The following SOX5 variants were observed in gnomAD, a reference collection of about 807,000 sequenced individuals.
SOX5 encodes the protein transcription factor SOX-5.
In SOX5, 9 loss-of-function variants were observed where a neutral mutation model predicts 92.0. The observed-to-expected ratio is 0.10, with a 90% confidence interval of 0.06 to 0.17. The LOEUF (loss-of-function observed/expected upper bound fraction) is 0.17, where lower values mean the gene tolerates loss of function less well. SOX5 is among the 10% of genes least tolerant of loss of function. The pLI, the probability that SOX5 is intolerant of heterozygous loss-of-function variation, is 1.00. For synonymous variants in SOX5, 344 were observed against 336.3 expected, an observed-to-expected ratio of 1.02 and a Z score of -0.25; for missense variants, 642 against 944.5, an observed-to-expected ratio of 0.68 and a Z score of 4.20.
chr12:24,479,427 T>G (rs1028995120), intron 1 of SOX5, among the ~76,000 whole-genome samples: 27 of 152,186 alleles, frequency 1.8e-4, no homozygotes, highest in African/African-American at 6.5e-4. Flanking sequence ...TACATAAATA[T>G]GTATGACCTC....
At chr12:24,385,760 A>C (rs896714833) in intron 1 of SOX5, among the ~76,000 whole-genome samples, 1 of 151,968 alleles carries the variant, frequency 6.6e-6, no homozygotes, top group African/African-American at 2.4e-5. Flanking sequence ...CAACGTAGTG[A>C]AATCTCATGT....
chr12:23,999,512 T>C (rs766387434), intron 4 of SOX5, among the ~76,000 whole-genome samples: 4 of 152,122 alleles, frequency 2.6e-5, no homozygotes, highest in Non-Finnish European at 5.9e-5. Flanking sequence ...ACTAGCTGGA[T>C]TGTGGTAATC....
chr12:24,078,844 T>C lies in SOX5; in HGVS notation c.-2+134499A>G, dbSNP rs73275445. Among the ~76,000 whole-genome samples the C allele has an allele frequency of 7.9e-3, 1,203 of 152,176 alleles. 16 individuals carry two copies. The highest frequency in any genetic ancestry group is 0.028 in the African/African-American group (1,147 of 41,546). On this transcript the variant is annotated intron_variant, in intron 4 of 4. Coordinates refer to the SOX5 transcript ENST00000446891. ...AATATGTATCTTTACAGAGCACTTT[T>C]TAAGGCATTTCTGAACCAAACCTCT...
At chr12:24,078,343 A>C (rs1942908629) in intron 4 of SOX5, among the ~76,000 whole-genome samples, 1 of 152,078 alleles carries the variant, frequency 6.6e-6, no homozygotes, top group Non-Finnish European at 1.5e-5. Context: ...AAAGCTTGAC[A>C]GAAGATACGA....
At chr12:23,631,453 A>G (rs996865911) in intron 8 of SOX5, among the ~76,000 whole-genome samples, 1 of 152,090 alleles carries the variant, frequency 6.6e-6, no homozygotes, top group East Asian at 1.9e-4. Flanking sequence ...TCTTGATAAA[A>G]TTTAAAAAAG....
chr12:23,673,424 G>A (rs1200689631), intron 6 of SOX5, among the ~76,000 whole-genome samples: 1 of 152,044 alleles, frequency 6.6e-6, no homozygotes, highest in East Asian at 1.9e-4. Context: ...AATGTGAACA[G>A]AATCAAGATT....
intron 2 of SOX5, among the ~76,000 whole-genome samples, chr12:24,360,083 C>G (rs1955368315): frequency 6.6e-6 from 1 of 152,210 alleles, no homozygotes. Flanking sequence ...TTGTTATCCA[C>G]AGCCTTTGGT....
At chr12:23,769,154 A>C (rs941186390) in intron 3 of SOX5, among the ~76,000 whole-genome samples, 1 of 152,156 alleles carries the variant, frequency 6.6e-6, no homozygotes, top group African/African-American at 2.4e-5. Flanking sequence ...CTCAGAAATT[A>C]TGAAGCAGCA....
chr12:24,165,132 C>A (rs932192103), intron 4 of SOX5, among the ~76,000 whole-genome samples: 18 of 151,974 alleles, frequency 1.2e-4, no homozygotes, highest in Non-Finnish European at 4.4e-5. Flanking sequence ...TGTGCATATG[C>A]CTAGTTAACA....
intron 4 of SOX5, among the ~76,000 whole-genome samples, chr12:23,746,079 G>T (rs2093974125): frequency 6.6e-6 from 1 of 152,096 alleles, no homozygotes; most frequent in African/African-American, 2.4e-5. Flanking sequence ...TTTTGCAAAA[G>T]AAATCTTCAC....
intron 14 of SOX5, among the ~76,000 whole-genome samples, chr12:23,535,341 C>T (rs1462306154): frequency 6.6e-6 from 1 of 152,174 alleles, no homozygotes; most frequent in Non-Finnish European, 1.5e-5. Context: ...TGAAACAGTT[C>T]TGGCCTCGTA....
chr12:24,312,205 G>A (rs1797428203), intron 2 of SOX5, among the ~76,000 whole-genome samples: 1 of 152,064 alleles, frequency 6.6e-6, no homozygotes, highest in East Asian at 1.9e-4. Context: ...AAATTTCTGA[G>A]CTTTCTGCAG....
chr12:24,228,292 G>C (rs1962544889), intron 3 of SOX5, among the ~76,000 whole-genome samples: 1 of 152,126 alleles, frequency 6.6e-6, no homozygotes. Context: ...AACTGGGAGA[G>C]GAACAGAAAA....
In SOX5 at chr12:23,888,324, C is replaced by T. The variant is rs142658538; in HGVS notation, c.270+7469G>A. 1.7e-3 allele frequency among the ~76,000 whole-genome samples: 263 copies of T among 152,264 alleles called. 3 individuals are homozygous for T. The highest frequency in any genetic ancestry group is 5.7e-3 in the African/African-American group (239 of 41,570). Reference sequence around the variant, plus strand: ...ACGGCATTGGAAGCTCTTGCCTGTGCCCCTAACCCCTATCACTGCCTTACA... The same window carrying T: ...ACGGCATTGGAAGCTCTTGCCTGTGTCCCTAACCCCTATCACTGCCTTACA... On this transcript the variant is annotated intron_variant, in intron 2 of 14. Transcript: ENST00000451604.
chr12:23,682,443 C>A (rs2086777251), intron 6 of SOX5, among the ~76,000 whole-genome samples: 1 of 151,658 alleles, frequency 6.6e-6, no homozygotes, highest in Non-Finnish European at 1.5e-5. Flanking sequence ...TCCTTTGTTT[C>A]TAAATATGCT....
At chr12:24,311,224 T>G (rs1212321246) in intron 2 of SOX5, among the ~76,000 whole-genome samples, 1 of 152,182 alleles carries the variant, frequency 6.6e-6, no homozygotes, top group Non-Finnish European at 1.5e-5. Context: ...AGTTTATTAC[T>G]CTAAAATCAT....
At chr12:24,351,812 A>C (rs1234055640) in intron 2 of SOX5, among the ~76,000 whole-genome samples, 1 of 152,260 alleles carries the variant, frequency 6.6e-6, no homozygotes, top group Non-Finnish European at 1.5e-5. Context: ...TTGGAAATGA[A>C]GAATTATAGA....
At chr12:23,677,495 T>C (rs750658965) in intron 6 of SOX5, among the ~76,000 whole-genome samples, 13 of 152,176 alleles carry the variant, frequency 8.5e-5, no homozygotes, top group Non-Finnish European at 1.6e-4. Context: ...GTAACATAAC[T>C]GGAACATATA....
intron 3 of SOX5, among the ~76,000 whole-genome samples, chr12:24,217,605 A>G (rs1009880313): frequency 6.6e-6 from 1 of 152,204 alleles, no homozygotes; most frequent in Non-Finnish European, 1.5e-5. Context: ...CACAATACCA[A>G]TAGATATGTC....
Sources: allele counts gnomAD v4.1 joint callset (sites outside exome capture counted in the v4.1 genomes callset), GRCh38; gene constraint gnomAD v4.1.1; transcripts MANE v1.5; gene names NCBI Gene and HGNC (gene_info 2026-07-23, HGNC 2026-07-21).